The following UNC5D variants were observed in gnomAD, a reference collection of about 807,000 sequenced individuals.
UNC5D encodes netrin receptor UNC5D.
A neutral mutation model predicts 105.4 loss-of-function variants in UNC5D; 39 were observed. The observed-to-expected ratio is 0.37, with a 90% CI of 0.29 to 0.48. The LOEUF (loss-of-function observed/expected upper bound fraction) is 0.48. Among genes scored for constraint, UNC5D ranks in the 20% least tolerant of loss-of-function variants. The probability of loss-of-function intolerance (pLI) is 0.98; values close to 1 mark genes in which losing one functional copy is unlikely to be tolerated. For missense variants in UNC5D, 991 were observed against 1,202.4 expected, an observed-to-expected ratio of 0.82 and a Z score of 2.60; for synonymous variants, 452 against 450.4, an observed-to-expected ratio of 1.00 and a Z score of -0.04.
intron 1 of UNC5D, among the ~76,000 whole-genome samples, chr8:35,288,313 G>C (rs1806769786): frequency 6.6e-6 from 1 of 152,052 alleles, no homozygotes; most frequent in Non-Finnish European, 1.5e-5. Context: ...CAGAATACTG[G>C]GGAAAAGAAA....
At chr8:35,532,518 AT>A (rs1295906906) in intron 1 of UNC5D, among the ~76,000 whole-genome samples, 1 of 61,586 alleles carries the variant, frequency 1.6e-5, no homozygotes. Context: ...TCTGACAATT[AT>A]GTGTCTTGGA....
At chr8:35,568,262 C>T (rs1290880589) in intron 3 of UNC5D, 21 bp downstream of exon 3, 1 of 1,611,016 alleles carries the variant, frequency 6.2e-7, no homozygotes, top group Non-Finnish European at 8.5e-7. Context: ...TCTGGGTGAC[C>T]TTGTCTTGTA....
intron 1 of UNC5D, among the ~76,000 whole-genome samples, chr8:35,245,439 G>T (rs554330186): frequency 6.6e-6 from 1 of 152,228 alleles, no homozygotes; most frequent in South Asian, 2.1e-4. Flanking sequence ...GGGACCAGAA[G>T]CTGCAGTGAT....
chr8:35,465,741 C>T (rs1456933077), intron 1 of UNC5D, among the ~76,000 whole-genome samples: 1 of 152,118 alleles, frequency 6.6e-6, no homozygotes, highest in Admixed American at 6.6e-5. Flanking sequence ...GAAGTTGCTA[C>T]TCAGCTGACC....
rs910388107 is a variant in UNC5D, at chr8:35,567,088, A to AC, written c.323-1010_323-1009insC. 1.2e-4 allele frequency among the ~76,000 whole-genome samples: 19 copies of AC among 152,170 alleles called. 1 individual carries two copies. Among genetic ancestry groups the AC allele is most frequent in the African/African-American group, 4.3e-4 (18 of 41,516 alleles). Reference sequence around the variant, plus strand: ...GATGTAAAGTAACAAAAAAAAAAAAAACCATTAAAAGGTTGTGGTCTTAAT... The same window carrying AC: ...GATGTAAAGTAACAAAAAAAAAAAAACACCATTAAAAGGTTGTGGTCTTAAT... On this transcript the variant is annotated intron_variant, in intron 2 of 16. Transcript: ENST00000404895.
intron 1 of UNC5D, among the ~76,000 whole-genome samples, chr8:35,426,021 C>CA (rs1293723047): frequency 1.3e-5 from 2 of 152,146 alleles, no homozygotes; most frequent in East Asian, 3.9e-4. Context: ...GAAATTTAAC[C>CA]AATACCTAAG....
chr8:35,552,445 A>G (rs1816232398), intron 2 of UNC5D, among the ~76,000 whole-genome samples: 1 of 152,168 alleles, frequency 6.6e-6, no homozygotes, highest in African/African-American at 2.4e-5. Flanking sequence ...ATGGCTCATC[A>G]TTTTCCATTA....
At chr8:35,605,283 G>A (rs1328191589) in intron 4 of UNC5D, among the ~76,000 whole-genome samples, 1 of 152,182 alleles carries the variant, frequency 6.6e-6, no homozygotes, top group African/African-American at 2.4e-5. Context: ...TCAGCTGCAG[G>A]TCTGTTGGGG....
At position 35,657,045 on chromosome 8, in the gene UNC5D, AGTGTGT is replaced by A. The variant is rs3076999; in HGVS notation, c.571-26471_571-26466del. Among the ~76,000 whole-genome samples, 598 of 70,776 alleles carry A rather than the reference AGTGTGT, an allele frequency of 8.4e-3. 11 individuals are homozygous for A. The highest frequency in any genetic ancestry group is 0.015 in the African/African-American group (240 of 15,942). The allele number at this position is 70,776 out of a possible 152,430, so 46.4% of individuals were successfully genotyped here. Reference sequence around the variant, plus strand: ...TGCTGCCCAAGCTGGAGTGCAGTGGAGTGTGTGTGTGTGTGTGTGTGTGTGTGTGTG... The same window carrying A: ...TGCTGCCCAAGCTGGAGTGCAGTGGAGTGTGTGTGTGTGTGTGTGTGTGTG... On this transcript the variant is annotated intron_variant, in intron 4 of 16. Transcript: ENST00000404895.
intron 16 of UNC5D, among the ~76,000 whole-genome samples, chr8:35,779,587 T>C (rs968704940): frequency 6.6e-6 from 1 of 152,072 alleles, no homozygotes; most frequent in Non-Finnish European, 1.5e-5. Flanking sequence ...GCCTCCAGAG[T>C]AGCTGGGATT....
At chr8:35,330,698 C>T (rs1476012844) in intron 1 of UNC5D, among the ~76,000 whole-genome samples, 4 of 152,110 alleles carry the variant, frequency 2.6e-5, no homozygotes, top group African/African-American at 2.4e-5. Flanking sequence ...ATGATATGAA[C>T]GAGCCTGACT....
chr8:35,328,481 C>T (rs951051723), intron 1 of UNC5D, among the ~76,000 whole-genome samples: 2 of 152,112 alleles, frequency 1.3e-5, no homozygotes, highest in Non-Finnish European at 2.9e-5. Context: ...TTCAGTTTTT[C>T]CTTTATGAAC....
At chr8:35,563,274 G>A (rs9773948) in intron 2 of UNC5D, among the ~76,000 whole-genome samples, 34,061 of 143,562 alleles carry the variant, frequency 0.24, 5,968 homozygotes, top group African/African-American at 0.49. Flanking sequence ...TGTCCTCTTC[G>A]ATTTCTTTCA....
intron 1 of UNC5D, among the ~76,000 whole-genome samples, chr8:35,412,411 G>A (rs1231535134): frequency 6.6e-6 from 1 of 151,776 alleles, no homozygotes; most frequent in East Asian, 1.9e-4. Flanking sequence ...GTTCCCTTGG[G>A]CTAAGGATGC....
intron 1 of UNC5D, among the ~76,000 whole-genome samples, chr8:35,362,443 C>T (rs1490373074): frequency 6.6e-6 from 1 of 152,140 alleles, no homozygotes; most frequent in Non-Finnish European, 1.5e-5. Context: ...ATAGGTTTTG[C>T]ATTTCCATAT....
chr8:35,257,692 T>G (rs1804181357), intron 1 of UNC5D, among the ~76,000 whole-genome samples: 1 of 152,158 alleles, frequency 6.6e-6, no homozygotes, highest in Non-Finnish European at 1.5e-5. Context: ...TAACTGAGCT[T>G]TTATTGCCAG....
chr8:35,244,799 C>T (rs1240069049), intron 1 of UNC5D, among the ~76,000 whole-genome samples: 2 of 151,940 alleles, frequency 1.3e-5, no homozygotes, highest in African/African-American at 2.4e-5. Context: ...TGGCTTGAGG[C>T]CTGGAGTTTG....
chr8:35,730,389 C>T (rs368258318), intron 10 of UNC5D, among the ~76,000 whole-genome samples: 28 of 152,272 alleles, frequency 1.8e-4, no homozygotes, highest in Middle Eastern at 3.4e-3. Flanking sequence ...AGTAACCTTT[C>T]GCCTTAACCC....
chr8:35,534,479 G>A (rs997456018), intron 1 of UNC5D, among the ~76,000 whole-genome samples: 1 of 151,802 alleles, frequency 6.6e-6, no homozygotes, highest in Non-Finnish European at 1.5e-5. Flanking sequence ...GAAACCTTGT[G>A]TTGATGGTTC....
Sources: gnomAD v4.1 joint callset for allele counts (sites outside exome capture counted in the v4.1 genomes callset) on GRCh38, gnomAD v4.1.1 for gene constraint, MANE v1.5 for transcripts, NCBI Gene and HGNC (gene_info 2026-07-23, HGNC 2026-07-21) for gene names.